Variants in UNC13C observed in about 807,000 individuals in gnomAD.
UNC13C encodes the protein unc-13 homolog C.
A neutral mutation model predicts 245.4 loss-of-function variants in UNC13C; 174 were observed. The observed-to-expected ratio is 0.71, with a 90% CI of 0.63 to 0.80. The LOEUF (loss-of-function observed/expected upper bound fraction) is 0.80, where lower values mean the gene tolerates loss of function less well. Among genes scored for constraint, UNC13C ranks in the 30% least tolerant of loss-of-function variants. The pLI is 0.00. For synonymous variants in UNC13C, 992 were observed against 895.1 expected (o/e 1.11, Z -1.93); for missense variants, 2,829 against 2,602.9 (o/e 1.09, Z -1.89).
At chr15:54,045,639 C>A (rs1247836868) in intron 2 of UNC13C, among the ~76,000 whole-genome samples, 1 of 152,174 alleles carries the variant, frequency 6.6e-6, no homozygotes, top group Non-Finnish European at 1.5e-5. Flanking sequence ...GTAGCTAATA[C>A]AACCTGACTG....
Position 53,978,886 on chromosome 15 carries a change from C to G in UNC13C, c.-298C>G, listed in dbSNP as rs1346360419. On this transcript the variant is annotated 5_prime_UTR_variant, in exon 1 of 33. Transcript: ENST00000260323. ...ACTCCAAAAGGAGGGGAAGAACAAC[C>G]CAGTTGGCGTGCACATTTTTTTTTA... 1.3e-5 allele frequency among the ~76,000 whole-genome samples: 2 copies of G among 152,114 alleles called. No homozygotes were observed. Among genetic ancestry groups the G allele is most frequent in the African/African-American group, 4.8e-5 (2 of 41,422 alleles).
intron 4 of UNC13C, among the ~76,000 whole-genome samples, chr15:54,148,314 G>C (rs2115833): frequency 1.3e-5 from 2 of 152,014 alleles, no homozygotes; most frequent in African/African-American, 4.8e-5. Context: ...GAACAAGCCA[G>C]TTTTCATCCA....
intron 18 of UNC13C, among the ~76,000 whole-genome samples, chr15:54,413,683 C>T (rs747163455): frequency 6.6e-6 from 1 of 152,154 alleles, no homozygotes; most frequent in African/African-American, 2.4e-5. Context: ...GAAACTGATG[C>T]AACACACTCT....
intron 12 of UNC13C, among the ~76,000 whole-genome samples, chr15:54,298,204 T>A (rs1408940997): frequency 6.6e-6 from 1 of 152,176 alleles, no homozygotes. Flanking sequence ...AAAAAATTAA[T>A]GTTCTTCCAA....
chr15:54,161,539 A>G (rs958393564), intron 4 of UNC13C, among the ~76,000 whole-genome samples: 1 of 152,158 alleles, frequency 6.6e-6, no homozygotes, highest in African/African-American at 2.4e-5. Context: ...AATTTCTCTT[A>G]TATTGGGAAT....
chr15:53,959,693 T>G, the UNC13C span, among the ~76,000 whole-genome samples: 1 of 152,180 alleles, frequency 6.6e-6, no homozygotes, highest in Non-Finnish European at 1.5e-5. Flanking sequence ...TGGCTATGTT[T>G]TGTATATTAA....
At chr15:53,839,813 T>C in the UNC13C span, among the ~76,000 whole-genome samples, 2 of 152,118 alleles carry the variant, frequency 1.3e-5, no homozygotes, top group African/African-American at 4.8e-5. Flanking sequence ...ATTTTGGTTT[T>C]TTGAAGGTTG....
intron 2 of UNC13C, among the ~76,000 whole-genome samples, chr15:54,084,846 G>A (rs919964449): frequency 9.9e-5 from 15 of 152,030 alleles, no homozygotes; most frequent in African/African-American, 3.6e-4. Flanking sequence ...ATGAATCAGG[G>A]CCCCTCAGCC....
At chr15:53,963,969 C>T in the UNC13C span, among the ~76,000 whole-genome samples, 1 of 152,140 alleles carries the variant, frequency 6.6e-6, no homozygotes, top group Non-Finnish European at 1.5e-5. Flanking sequence ...CAAGTTCTTT[C>T]TGGCAGGATT....
intron 19 of UNC13C, among the ~76,000 whole-genome samples, chr15:54,488,722 C>T (rs72738416): frequency 6.6e-6 from 1 of 152,228 alleles, no homozygotes; most frequent in Non-Finnish European, 1.5e-5. Context: ...TTTCCTTGTA[C>T]AGTTTTAATG....
At chr15:54,274,312 AG>A (rs2140905681) in intron 10 of UNC13C, among the ~76,000 whole-genome samples, 1 of 152,354 alleles carries the variant, frequency 6.6e-6, no homozygotes, top group African/African-American at 2.4e-5. Flanking sequence ...ATTAATGGCA[AG>A]GAAGAAATAT....
intron 18 of UNC13C, among the ~76,000 whole-genome samples, chr15:54,401,610 C>T (rs143317448): frequency 5.3e-5 from 8 of 152,172 alleles, no homozygotes; most frequent in African/African-American, 1.7e-4. Flanking sequence ...GAACGAAGAT[C>T]GCGTCGAGAG....
chr15:54,116,384 A>C (rs1410532434), intron 2 of UNC13C, among the ~76,000 whole-genome samples: 1 of 152,082 alleles, frequency 6.6e-6, no homozygotes, highest in East Asian at 1.9e-4. Flanking sequence ...TTGTCTATCT[A>C]ACTCTATATT....
chr15:54,450,610 A>G (rs144252848), intron 19 of UNC13C, among the ~76,000 whole-genome samples: 4 of 152,240 alleles, frequency 2.6e-5, no homozygotes, highest in African/African-American at 4.8e-5. Context: ...GTTTGTTAAG[A>G]CGATTGGAAA....
At chr15:54,076,495 A>C (rs1897024) in intron 2 of UNC13C, among the ~76,000 whole-genome samples, 30,127 of 151,008 alleles carry the variant, frequency 0.2, 3,138 homozygotes, top group Admixed American at 0.29. Flanking sequence ...ACTGAATTTA[A>C]TTTCCATTTA....
the UNC13C span, among the ~76,000 whole-genome samples, chr15:53,956,918 C>A: frequency 2.0e-5 from 1 of 50,902 alleles, no homozygotes; most frequent in Admixed American, 2.4e-4. Flanking sequence ...ATGCACACAT[C>A]CATGTGTGTA....
chr15:54,613,775 T>G (rs924383098), intron 30 of UNC13C, among the ~76,000 whole-genome samples: 1 of 152,036 alleles, frequency 6.6e-6, no homozygotes, highest in Non-Finnish European at 1.5e-5. Context: ...TTAAATAATA[T>G]TCTCAACTTT....
At chr15:54,321,400 C>A in intron 13 of UNC13C, 1 of 494,296 alleles carries the variant, frequency 2.0e-6, no homozygotes, top group Non-Finnish European at 4.0e-6. Flanking sequence ...CTTTGAGAAT[C>A]TTCTCTTGAG....
At chr15:54,141,719 T>G (rs918296177) in intron 2 of UNC13C, among the ~76,000 whole-genome samples, 1 of 152,050 alleles carries the variant, frequency 6.6e-6, no homozygotes, top group Non-Finnish European at 1.5e-5. Flanking sequence ...TGCTAAATTT[T>G]ATTTATTTTA....
Sources: gnomAD v4.1 joint callset for allele counts (sites outside exome capture counted in the v4.1 genomes callset) on GRCh38, gnomAD v4.1.1 for gene constraint, MANE v1.5 for transcripts, NCBI Gene and HGNC (gene_info 2026-07-23, HGNC 2026-07-21) for gene names.